Variants in TRPM1 observed in about 807,000 individuals in gnomAD.
TRPM1 encodes TRPM1-203 APA Isoform, Intron 10.
In TRPM1, 113 loss-of-function variants were observed where a neutral mutation model predicts 149.4. That is an observed-to-expected ratio of 0.76 (90% CI 0.65 to 0.88). The LOEUF (loss-of-function observed/expected upper bound fraction) is 0.88, where lower values mean the gene tolerates loss of function less well. Among genes scored for constraint, TRPM1 ranks in the 40% least tolerant of loss-of-function variants. The pLI is 0.00. For synonymous variants in TRPM1, 741 were observed against 759.5 expected (o/e 0.98, Z 0.40); for missense variants, 1,976 against 2,038.7 (o/e 0.97, Z 0.59).
chr15:31,067,738 G>T, intron 5 of TRPM1, 141 bp downstream of exon 5: 1 of 828,390 alleles, frequency 1.2e-6, no homozygotes, highest in South Asian at 1.5e-5. Context: ...ACAAGCTAGG[G>T]AATAAAGACT....
rs982827576 is a variant in TRPM1 at position 31,066,541 on chromosome 15, A to G, written c.619-294T>C. On this transcript the variant is annotated intron_variant, in intron 6 of 27. Transcript: ENST00000256552. ...GAATGTTTATGGCTACTTTACTTGTAACAGCCAAACTGTTCCTCAACAGAC... is the reference window on the plus strand; with the variant it reads ...GAATGTTTATGGCTACTTTACTTGTGACAGCCAAACTGTTCCTCAACAGAC... Among the ~76,000 whole-genome samples, 3 of 152,196 alleles carry G rather than the reference A, an allele frequency of 2.0e-5. No individual in the cohort carries two copies. In the South Asian group the frequency reaches 6.2e-4, roughly 32 times the overall value.
intron 12 of TRPM1, 31 bp from the exon 13 acceptor site, chr15:31,049,540 G>C: frequency 6.2e-7 from 1 of 1,612,770 alleles, no homozygotes; most frequent in Non-Finnish European, 8.5e-7. Context: ...GAGCCTGTGA[G>C]TGGCCTCTCA....
At chr15:31,016,972 CACA>C (rs2032376948) in intron 27 of TRPM1, among the ~76,000 whole-genome samples, 1 of 133,128 alleles carries the variant, frequency 7.5e-6, no homozygotes, top group African/African-American at 2.7e-5. Flanking sequence ...TACACACACA[CACA>C]CACACACACA....
At chr15:31,093,304 A>G (rs1285209742) in intron 1 of TRPM1, among the ~76,000 whole-genome samples, 1 of 151,494 alleles carries the variant, frequency 6.6e-6, no homozygotes, top group Non-Finnish European at 1.5e-5. Context: ...AAAGCTCCCA[A>G]AGAATCCACA....
At chr15:31,104,675 G>A (rs954698696), upstream of TRPM1, among the ~76,000 whole-genome samples, 51 of 141,662 alleles carry the variant, frequency 3.6e-4, no homozygotes, top group African/African-American at 1.3e-3. Context: ...CTCACTGCAA[G>A]CTCCGCCTCC....
At chr15:31,078,662 C>G (rs2034777723) in intron 2 of TRPM1, among the ~76,000 whole-genome samples, 1 of 152,202 alleles carries the variant, frequency 6.6e-6, no homozygotes, top group African/African-American at 2.4e-5. Flanking sequence ...GAAGCCCCGC[C>G]CTGCCCTTCT....
At chr15:31,003,141 A>C in intron 27 of TRPM1, 71 bp from the exon 28 acceptor site, 4 of 1,381,054 alleles carry the variant, frequency 2.9e-6, no homozygotes, top group Non-Finnish European at 4.0e-6. Context: ...AGATAATGTC[A>C]TTGCTATGTG....
intron 1 of TRPM1, among the ~76,000 whole-genome samples, chr15:31,131,757 G>T (rs921486729): frequency 1.3e-5 from 2 of 152,164 alleles, no homozygotes; most frequent in African/African-American, 4.8e-5. Context: ...GCAGTGAGTG[G>T]GTGGCCAGGG....
chr15:31,049,568 G>A, intron 12 of TRPM1, 59 bp from the exon 13 acceptor site: 6 of 1,603,826 alleles, frequency 3.7e-6, no homozygotes, highest in Admixed American at 1.7e-5. Flanking sequence ...AGGGGAGGGG[G>A]GCGACTGGAA....
At chr15:31,105,468 TGTGTGCGC>T (rs747310712), upstream of TRPM1, among the ~76,000 whole-genome samples, 11 of 131,414 alleles carry the variant, frequency 8.4e-5, no homozygotes, top group African/African-American at 4.0e-4. Context: ...TGTGTGTGTG[TGTGTGCGC>T]GCGCGCGCGC....
At chr15:31,013,361 G>C (rs990938629) in intron 27 of TRPM1, among the ~76,000 whole-genome samples, 1 of 151,240 alleles carries the variant, frequency 6.6e-6, no homozygotes, top group Non-Finnish European at 1.5e-5. Context: ...TTGAGACCTC[G>C]TCTACTACTT....
chr15:31,149,034 G>A (rs1001214747), intron 1 of TRPM1, among the ~76,000 whole-genome samples: 1 of 152,222 alleles, frequency 6.6e-6, no homozygotes, highest in Non-Finnish European at 1.5e-5. Flanking sequence ...GAGTGACCTC[G>A]CAGGTCTGAG....
intron 9 of TRPM1, among the ~76,000 whole-genome samples, chr15:31,062,158 A>G (rs1380511884): frequency 1.3e-5 from 2 of 152,224 alleles, no homozygotes; most frequent in East Asian, 3.8e-4. Context: ...TGTAGGAATT[A>G]GAATTTTGAA....
intron 27 of TRPM1, among the ~76,000 whole-genome samples, chr15:31,016,962 T>TAC (rs36176052): frequency 0.039 from 3,444 of 89,438 alleles, 46 homozygotes; most frequent in Non-Finnish European, 0.049. Flanking sequence ...AAACCTGGCG[T>TAC]ACACACACAC....
At position 31,106,889 on chromosome 15, in the gene TRPM1, G is replaced by A. The variant is rs189101126; in HGVS notation, c.55-29905C>T. Among the ~76,000 whole-genome samples, 30 of 152,292 alleles carry A rather than the reference G, an allele frequency of 2.0e-4. No homozygotes were observed. The East Asian group carries it at 5.8e-3, about 29-fold the overall frequency. On this transcript the variant is annotated intron_variant, in intron 1 of 26. Transcript: ENST00000542188. ...GAGATTGTAGCATTTTGCATTTCCA[G>A]TGGGATTTTATGAGTCCTTGTTTTC...
intron 1 of TRPM1, among the ~76,000 whole-genome samples, chr15:31,112,048 G>C (rs2035696886): frequency 6.6e-6 from 1 of 152,210 alleles, no homozygotes; most frequent in African/African-American, 2.4e-5. Flanking sequence ...CTGAAACACA[G>C]GCCAAGGCAA....
At chr15:31,149,224 G>C (rs1424418198) in intron 1 of TRPM1, among the ~76,000 whole-genome samples, 1 of 152,228 alleles carries the variant, frequency 6.6e-6, no homozygotes, top group Non-Finnish European at 1.5e-5. Context: ...GTGGGGGCAG[G>C]CAGGAGAAGG....
chr15:31,080,823 C>A (rs1045701400), intron 2 of TRPM1, among the ~76,000 whole-genome samples: 3 of 151,600 alleles, frequency 2.0e-5, no homozygotes, highest in Non-Finnish European at 4.4e-5. Flanking sequence ...CGCGCTGGGG[C>A]GCTGTCCAGG....
chr15:31,063,548 C>T (rs183143616), intron 7 of TRPM1, among the ~76,000 whole-genome samples: 1 of 152,224 alleles, frequency 6.6e-6, no homozygotes, highest in African/African-American at 2.4e-5. Context: ...GCCTCAACCT[C>T]CCTCTCAGCT....
Sources: gnomAD v4.1 joint callset for allele counts (sites outside exome capture counted in the v4.1 genomes callset) on GRCh38, gnomAD v4.1.1 for gene constraint, MANE v1.5 for transcripts, NCBI Gene and HGNC (gene_info 2026-07-23, HGNC 2026-07-21) for gene names.